Variants in MACROD1 observed in about 807,000 individuals in gnomAD.
The protein encoded by MACROD1 is mono-ADP ribosylhydrolase 1.
Under a neutral mutation model 41.4 loss-of-function variants are expected in MACROD1, and 31 were observed. The ratio of observed to expected loss-of-function variants is 0.75; its 90% CI spans 0.56 to 1.01. MACROD1 has a LOEUF of 1.01. MACROD1 is among the 50% of genes least tolerant of loss of function. The pLI is 0.00. For synonymous variants in MACROD1, 252 were observed against 203.4 expected, an observed-to-expected ratio of 1.24 and a Z score of -2.03; for missense variants, 473 against 460.0, an observed-to-expected ratio of 1.03 and a Z score of -0.26.
rs1271395374 is a variant in MACROD1, at chr11:64,090,373, C to T, written c.517+60866G>A. On this transcript the variant is annotated intron_variant, in intron 3 of 10. Transcript: ENST00000255681. The surrounding 1 kb of genome is among the most constrained non-coding windows in gnomAD (Gnocchi z 4.7). The stretch of plus-strand genomic sequence containing the variant: ...AAAGCCACAAATAAGTAAACTCAGG[C>T]AGCAGGGCACAATTACTGAGCCTGG... Among the ~76,000 whole-genome samples the T allele has an allele frequency of 6.6e-6, 1 of 152,232 alleles. No homozygotes were observed. The highest frequency in any genetic ancestry group is 1.5e-5 in the Non-Finnish European group (1 of 68,042).
chr11:64,074,070 T>G (rs1590871201), intron 3 of MACROD1, among the ~76,000 whole-genome samples: 1 of 151,842 alleles, frequency 6.6e-6, no homozygotes, highest in African/African-American at 2.4e-5. Flanking sequence ...GGGATGGGGG[T>G]GGGGGGAATA....
intron 3 of MACROD1, among the ~76,000 whole-genome samples, chr11:64,091,607 T>G (rs1426419083): frequency 6.6e-6 from 1 of 152,050 alleles, no homozygotes; most frequent in Non-Finnish European, 1.5e-5. Context: ...TGCCACAGCC[T>G]AGGACGTTGC....
rs60973367 is a variant in MACROD1, at chr11:64,005,022, C to CTTTATTTA, written c.548-4687_548-4680dup. On this transcript the variant is annotated intron_variant, in intron 4 of 10. Transcript: ENST00000255681. ...GAGGAGGAGCAGAAACTAAGATCCACTTTATTTATTTATTTATTTATTTAT... is the reference window on the plus strand; with the variant it reads ...GAGGAGGAGCAGAAACTAAGATCCACTTTATTTATTTATTTATTTATTTATTTATTTAT... Among the ~76,000 whole-genome samples the CTTTATTTA allele has an allele frequency of 3.0e-3, 441 of 147,666 alleles. 5 individuals carry two copies. Among genetic ancestry groups the CTTTATTTA allele is most frequent in the African/African-American group, 5.9e-3 (237 of 39,838 alleles).
intron 1 of MACROD1, among the ~76,000 whole-genome samples, chr11:64,163,919 C>G (rs1229445457): frequency 1.3e-5 from 2 of 152,188 alleles, no homozygotes; most frequent in Non-Finnish European, 2.9e-5. Flanking sequence ...CTCCTTGGGC[C>G]TGGCCCACTG....
At chr11:64,002,946 C>T (rs528800738) in intron 4 of MACROD1, among the ~76,000 whole-genome samples, 1 of 152,278 alleles carries the variant, frequency 6.6e-6, no homozygotes, top group South Asian at 2.1e-4. Flanking sequence ...AGGAGCTGAC[C>T]AACCCTTAGT....
chr11:64,015,703 G>A (rs1011570432), intron 3 of MACROD1, among the ~76,000 whole-genome samples: 1 of 152,180 alleles, frequency 6.6e-6, no homozygotes, highest in Non-Finnish European at 1.5e-5. Flanking sequence ...CACAGCTTCC[G>A]GCAGGGCATA....
At chr11:64,003,580 C>T (rs1426468077) in intron 4 of MACROD1, among the ~76,000 whole-genome samples, 1 of 152,202 alleles carries the variant, frequency 6.6e-6, no homozygotes, top group African/African-American at 2.4e-5. Flanking sequence ...ACTCACCCCC[C>T]ATGGCCTTTG....
chr11:64,070,729 C>T (rs1944093187), intron 3 of MACROD1, among the ~76,000 whole-genome samples: 1 of 152,222 alleles, frequency 6.6e-6, no homozygotes, highest in African/African-American at 2.4e-5. Flanking sequence ...AAAACAGCTG[C>T]CTGCTCCTCC....
intron 3 of MACROD1, chr11:64,116,879 G>A (rs1333262382): frequency 1.2e-6 from 2 of 1,611,810 alleles, no homozygotes; most frequent in Admixed American, 1.7e-5. Context: ...AGGAGCTGCG[G>A]CTGGATGACA....
chr11:64,114,067 G>C (rs529148950), intron 3 of MACROD1, among the ~76,000 whole-genome samples: 1 of 150,420 alleles, frequency 6.6e-6, no homozygotes, highest in Admixed American at 6.6e-5. Flanking sequence ...TGGATGGATG[G>C]ATGGATGGAT....
intron 4 of MACROD1, among the ~76,000 whole-genome samples, chr11:64,009,445 C>T (rs1019578393): frequency 3.9e-5 from 6 of 152,174 alleles, no homozygotes; most frequent in Non-Finnish European, 7.4e-5. Flanking sequence ...ATTTAGCCTT[C>T]GGGACCCAAG....
chr11:64,160,295 C>A (rs1298406411), intron 1 of MACROD1, among the ~76,000 whole-genome samples: 1 of 152,116 alleles, frequency 6.6e-6, no homozygotes, highest in Non-Finnish European at 1.5e-5. Flanking sequence ...GGAGAGGAGG[C>A]TCTGCTCAGG....
At chr11:64,113,477 T>G (rs1445796085) in intron 3 of MACROD1, among the ~76,000 whole-genome samples, 6 of 102,980 alleles carry the variant, frequency 5.8e-5, no homozygotes, top group South Asian at 3.2e-4. Context: ...TTGATGCATA[T>G]ATGGATGGAT....
At chr11:64,004,178 G>A (rs987107413) in intron 4 of MACROD1, among the ~76,000 whole-genome samples, 24 of 152,164 alleles carry the variant, frequency 1.6e-4, no homozygotes, top group African/African-American at 5.3e-4. Context: ...ATTCAGCCCA[G>A]CATCTGTGCG....
chr11:64,016,771 G>A (rs146788608), intron 3 of MACROD1, among the ~76,000 whole-genome samples: 4,203 of 152,288 alleles, frequency 0.028, 93 homozygotes, highest in Non-Finnish European at 0.043. Context: ...TGGGGGCCGC[G>A]GGAAGTGAGG....
chr11:64,084,638 A>T (rs994585366), intron 3 of MACROD1, among the ~76,000 whole-genome samples: 1 of 152,212 alleles, frequency 6.6e-6, no homozygotes, highest in Non-Finnish European at 1.5e-5. Context: ...GACCCAGCGC[A>T]TGGCAGTGGG....
intron 3 of MACROD1, among the ~76,000 whole-genome samples, chr11:64,027,155 G>A (rs1345466321): frequency 1.3e-5 from 2 of 152,200 alleles, no homozygotes; most frequent in Non-Finnish European, 2.9e-5. Flanking sequence ...TGTCACAGAG[G>A]GTTAGCAGTG....
At chr11:64,087,620 C>T (rs1197430698) in intron 3 of MACROD1, among the ~76,000 whole-genome samples, 4 of 152,190 alleles carry the variant, frequency 2.6e-5, no homozygotes, top group Admixed American at 6.5e-5. Flanking sequence ...TGGCCTTGCC[C>T]GCGGCCCCAG....
In MACROD1 at chr11:64,053,848, A is replaced by G. The variant is rs115019936; in HGVS notation, c.518-38567T>C. On this transcript the variant is annotated intron_variant, in intron 3 of 10. Transcript: ENST00000255681. Reference sequence around the variant, plus strand: ...TGGGGAGGGGAGTGCTCAAGGTCACATGGGAGTTAGGGGCAGGGCTAAGAT... The same window carrying G: ...TGGGGAGGGGAGTGCTCAAGGTCACGTGGGAGTTAGGGGCAGGGCTAAGAT... Among the ~76,000 whole-genome samples the G allele has an allele frequency of 3.5e-3, 535 of 152,234 alleles. 2 individuals are homozygous for G. Among genetic ancestry groups the G allele is most frequent in the African/African-American group, 0.012 (512 of 41,546 alleles).
Sources: gnomAD v4.1 joint callset for allele counts (sites outside exome capture counted in the v4.1 genomes callset) on GRCh38, gnomAD v4.1.1 for gene constraint, Gnocchi (gnomAD v3.1) non-coding constraint, MANE v1.5 for transcripts, NCBI Gene and HGNC (gene_info 2026-07-23, HGNC 2026-07-21) for gene names.